ATP8A2: variants seen among roughly 807,000 people sequenced by gnomAD.
ATP8A2 encodes the protein ATPase phospholipid transporting 8A2, also known as phospholipid-transporting ATPase IB.
Under a neutral mutation model 165.6 loss-of-function variants are expected in ATP8A2, and 100 were observed. The ratio of observed to expected loss-of-function variants is 0.60; its 90% CI spans 0.51 to 0.71. ATP8A2 has a LOEUF of 0.71. ATP8A2 is among the 30% of genes least tolerant of loss of function. The pLI, the probability that ATP8A2 is intolerant of heterozygous loss-of-function variation, is 0.00. For synonymous variants in ATP8A2, 543 were observed against 548.8 expected (o/e 0.99, Z 0.15); for missense variants, 1,227 against 1,479.5 (o/e 0.83, Z 2.80).
chr13:25,421,035 A>G (rs574474487), intron 1 of ATP8A2, among the ~76,000 whole-genome samples: 21 of 152,356 alleles, frequency 1.4e-4, no homozygotes, highest in African/African-American at 4.3e-4. Flanking sequence ...AAGACTGTGC[A>G]TGAAATACTT....
chr13:25,892,656 A>G (rs1356846267), intron 33 of ATP8A2, among the ~76,000 whole-genome samples: 1 of 151,908 alleles, frequency 6.6e-6, no homozygotes, highest in African/African-American at 2.4e-5. Flanking sequence ...GTACTGGGAC[A>G]CAGCATACAG....
chr13:25,380,384 G>A (rs1037021799), intron 1 of ATP8A2, among the ~76,000 whole-genome samples: 6 of 152,158 alleles, frequency 3.9e-5, no homozygotes, highest in Admixed American at 2.0e-4. Context: ...TCTTTGCCGC[G>A]CAGTAGAGTG....
At chr13:25,526,801 G>C (rs1433475110) in intron 2 of ATP8A2, among the ~76,000 whole-genome samples, 13 of 152,200 alleles carry the variant, frequency 8.5e-5, no homozygotes, top group Non-Finnish European at 1.8e-4. Flanking sequence ...GCTGTCCCCA[G>C]GGATATTTCT....
At chr13:25,697,567 C>T (rs1038802615) in intron 24 of ATP8A2, among the ~76,000 whole-genome samples, 3 of 152,204 alleles carry the variant, frequency 2.0e-5, no homozygotes, top group Non-Finnish European at 4.4e-5. Flanking sequence ...AGGCGTGAGC[C>T]ACTGCACCTG....
rs950407073 is a variant in ATP8A2 at position 25,953,730 on chromosome 13, T to C, written c.3184-7845T>C. Among the ~76,000 whole-genome samples the C allele has an allele frequency of 4.0e-5, 6 of 151,892 alleles. No homozygotes were observed. The highest frequency in any genetic ancestry group is 1.5e-4 in the African/African-American group (6 of 41,328). ...AGCCGAAGCAGGGTGGGGCGTTGCC[T>C]CACCCGGGAAGCACAGGGGATTGAG... On this transcript the variant is annotated intron_variant, in intron 33 of 36. Transcript: ENST00000381655. The surrounding 1 kb of genome is among the most constrained non-coding windows in gnomAD (Gnocchi z 6.7).
At chr13:25,991,852 A>T (rs1415222325) in intron 35 of ATP8A2, among the ~76,000 whole-genome samples, 1 of 151,676 alleles carries the variant, frequency 6.6e-6, no homozygotes, top group Non-Finnish European at 1.5e-5. Context: ...TTCTGGGATA[A>T]ATGTCCAGGA....
intron 1 of ATP8A2, among the ~76,000 whole-genome samples, chr13:25,419,391 G>A (rs551759495): frequency 6.6e-5 from 10 of 152,296 alleles, no homozygotes; most frequent in African/African-American, 2.2e-4. Flanking sequence ...GTTAAAAAAG[G>A]CAGGTTAATA....
At position 25,399,880 on chromosome 13, in the gene ATP8A2, T is replaced by TTCC. The variant is rs1047166338; in HGVS notation, c.76+27607_76+27609dup. ...CTCTTTCATCTTCTTCTTCTTCCTC[T>TTCC]TCCTCCTCCTCCTCCTCTTATTCTT... On this transcript the variant is annotated intron_variant, in intron 1 of 36. Transcript: ENST00000381655. Among the ~76,000 whole-genome samples, 81 of 102,040 alleles carry TTCC rather than the reference T, an allele frequency of 7.9e-4. 1 individual carries two copies. Among genetic ancestry groups the TTCC allele is most frequent in the Admixed American group, 4.5e-3 (48 of 10,764 alleles). The allele number at this position is 102,040 out of a possible 152,430, so 66.9% of individuals were successfully genotyped here.
At chr13:25,546,697 C>T (rs1429294780) in intron 10 of ATP8A2, among the ~76,000 whole-genome samples, 2 of 152,200 alleles carry the variant, frequency 1.3e-5, no homozygotes, top group East Asian at 3.8e-4. Context: ...AAATCATGCA[C>T]TATTTTGAGT....
At chr13:25,583,634 C>T (rs1399869199) in intron 23 of ATP8A2, among the ~76,000 whole-genome samples, 1 of 152,098 alleles carries the variant, frequency 6.6e-6, no homozygotes, top group Non-Finnish European at 1.5e-5. Flanking sequence ...TTTATTATAC[C>T]TGAGCCTATC....
intron 1 of ATP8A2, among the ~76,000 whole-genome samples, chr13:25,397,393 C>T (rs923322224): frequency 3.3e-5 from 5 of 152,186 alleles, no homozygotes; most frequent in Non-Finnish European, 5.9e-5. Context: ...TCCTGTGACG[C>T]TCAGGTCCCT....
At chr13:25,633,384 G>A (rs915911466) in intron 24 of ATP8A2, among the ~76,000 whole-genome samples, 2 of 152,080 alleles carry the variant, frequency 1.3e-5, no homozygotes, top group African/African-American at 4.8e-5. Context: ...TACACATCAC[G>A]AGCCTCAGAA....
At chr13:25,623,101 T>C (rs1457696973) in intron 24 of ATP8A2, among the ~76,000 whole-genome samples, 1 of 152,194 alleles carries the variant, frequency 6.6e-6, no homozygotes, top group African/African-American at 2.4e-5. Context: ...ATGCCAGGAC[T>C]GGCCACGCAC....
intron 35 of ATP8A2, among the ~76,000 whole-genome samples, chr13:25,995,315 T>C (rs1956474363): frequency 6.6e-6 from 1 of 151,502 alleles, no homozygotes; most frequent in Admixed American, 6.6e-5. Flanking sequence ...GTTTTTAACC[T>C]ATCAGTTTTT....
At position 25,555,009 on chromosome 13, in the gene ATP8A2, A is replaced by G. The variant is rs759058387; in HGVS notation, c.1204A>G (p.Ile402Val). 1 of 1,609,706 alleles carries G rather than the reference A, an allele frequency of 6.2e-7. No individual in the cohort carries two copies. Among genetic ancestry groups the G allele is most frequent in the Non-Finnish European group, 8.5e-7 (1 of 1,176,214 alleles). Reference protein sequence around the residue: ...FINWDTDMYYIGNDTPAMART... With the variant: ...FINWDTDMYYVGNDTPAMART... ...CTCTCAGGACACAGATATGTATTAT[A>G]TAGGAAATGACACTCCTGCCATGGC... Residue 402 changes from isoleucine to valine, a missense_variant, in exon 13 of 37, where the codon ATA (isoleucine) becomes GTA (valine). This residue lies in a region of ATP8A2 where 592 missense variants were observed against 785.6 expected (regional missense o/e 0.75). Transcript: ENST00000381655.
chr13:25,979,928 T>G (rs1242468039), intron 35 of ATP8A2, among the ~76,000 whole-genome samples: 1 of 152,150 alleles, frequency 6.6e-6, no homozygotes, highest in Non-Finnish European at 1.5e-5. Flanking sequence ...GTAACAACAG[T>G]CAGAGTAATC....
chr13:25,416,100 T>G lies in ATP8A2; in HGVS notation c.76+43812T>G, dbSNP rs532142124. On this transcript the variant is annotated intron_variant, in intron 1 of 36. Coordinates refer to ENST00000381655, the MANE Select transcript of ATP8A2 (RefSeq NM_016529.6). ...GCCTTGGACTCCCAAAGTGTTGGGA[T>G]AGCAGGCATGAGCCACTACACCTGG... 9.0e-4 allele frequency among the ~76,000 whole-genome samples: 137 copies of G among 152,330 alleles called. No homozygotes were observed. The South Asian group carries it at 0.012, about 13-fold the overall frequency.
At chr13:25,493,759 G>A (rs907318799) in intron 2 of ATP8A2, among the ~76,000 whole-genome samples, 4 of 152,136 alleles carry the variant, frequency 2.6e-5, no homozygotes, top group Admixed American at 2.0e-4. Flanking sequence ...ATTGAATAAA[G>A]ACCAAAGGCA....
intron 1 of ATP8A2, among the ~76,000 whole-genome samples, chr13:25,374,041 A>G (rs764409253): frequency 1.3e-5 from 2 of 152,152 alleles, no homozygotes; most frequent in Non-Finnish European, 2.9e-5. Context: ...TCAGCTGTCA[A>G]TGTGTACAGA....
Sources: allele counts gnomAD v4.1 joint callset (sites outside exome capture counted in the v4.1 genomes callset), GRCh38; gene constraint gnomAD v4.1.1; regional missense constraint gnomAD v4.1.1; non-coding constraint Gnocchi (gnomAD v3.1); transcripts MANE v1.5; gene names NCBI Gene and HGNC (gene_info 2026-07-23, HGNC 2026-07-21).